Variants in XRN2 observed in about 807,000 individuals in gnomAD.
XRN2 encodes 5'-3' exoribonuclease 2, also known as DHM1-like protein.
XRN2 carries 44 observed loss-of-function variants against 138.5 expected under a neutral mutation model. That is an observed-to-expected ratio of 0.32 (90% CI 0.25 to 0.41). The LOEUF is 0.41. XRN2 is among the 10% of genes least tolerant of loss of function. The pLI, the probability that XRN2 is intolerant of heterozygous loss-of-function variation, is 1.00. For synonymous variants in XRN2, 354 were observed against 369.4 expected (o/e 0.96, Z 0.48); for missense variants, 937 against 1,169.3 (o/e 0.80, Z 2.90).
At chr20:21,345,792 G>A (rs1372711879) in intron 16 of XRN2, among the ~76,000 whole-genome samples, 1 of 152,104 alleles carries the variant, frequency 6.6e-6, no homozygotes, top group African/African-American at 2.4e-5. Flanking sequence ...GATATAGAAT[G>A]TGTATGTCTC....
intron 28 of XRN2, among the ~76,000 whole-genome samples, chr20:21,385,590 G>T (rs1262478305): frequency 6.6e-6 from 1 of 152,132 alleles, no homozygotes; most frequent in African/African-American, 2.4e-5. Context: ...AAAAACTTTA[G>T]CCTTTCTAGA....
intron 1 of XRN2, among the ~76,000 whole-genome samples, chr20:21,313,682 T>C (rs1393787694): frequency 6.6e-6 from 1 of 152,252 alleles, no homozygotes; most frequent in Non-Finnish European, 1.5e-5. Flanking sequence ...AGTCTAACTC[T>C]TGGTAATACT....
chr20:21,331,704 T>G, intron 7 of XRN2, 64 bp from the exon 8 acceptor site: 1 of 1,590,478 alleles, frequency 6.3e-7, no homozygotes, highest in Non-Finnish European at 8.6e-7. Context: ...AAATACTTGG[T>G]ATGAAGTGAT....
chr20:21,303,795 C>G (rs2037774493), intron 1 of XRN2: 2 of 1,106,372 alleles, frequency 1.8e-6, no homozygotes, highest in South Asian at 3.7e-5. Context: ...CCAGACCGCG[C>G]ATTTTGGGTC....
At chr20:21,323,345 A>G (rs2038074773) in intron 1 of XRN2, among the ~76,000 whole-genome samples, 1 of 152,186 alleles carries the variant, frequency 6.6e-6, no homozygotes, top group Non-Finnish European at 1.5e-5. Flanking sequence ...GAAAGGGAAG[A>G]CTGCAGTGTG....
At chr20:21,317,287 A>G (rs2037972607) in intron 1 of XRN2, among the ~76,000 whole-genome samples, 1 of 125,602 alleles carries the variant, frequency 8.0e-6, no homozygotes, top group Non-Finnish European at 1.7e-5. Flanking sequence ...TTTCCCTTCT[A>G]TTTCTAGATG....
At chr20:21,363,748 TA>T (rs2038663428) in intron 24 of XRN2, among the ~76,000 whole-genome samples, 1 of 152,176 alleles carries the variant, frequency 6.6e-6, no homozygotes, top group African/African-American at 2.4e-5. Context: ...ACCAGGTCAA[TA>T]AAACTTTTTT....
intron 27 of XRN2, among the ~76,000 whole-genome samples, chr20:21,374,492 CTTCTA>C (rs2038797019): frequency 6.6e-6 from 1 of 151,818 alleles, no homozygotes; most frequent in Non-Finnish European, 1.5e-5. Context: ...TGAGGAAGTT[CTTCTA>C]TTCTTTGTTT....
At chr20:21,351,514 G>A (rs995347915) in intron 20 of XRN2, among the ~76,000 whole-genome samples, 6 of 152,046 alleles carry the variant, frequency 3.9e-5, no homozygotes, top group Non-Finnish European at 8.8e-5. Flanking sequence ...TATATGATTT[G>A]CATGTATTTT....
Position 21,342,346 on chromosome 20 carries a change from C to T in XRN2, c.1410+1494C>T, listed in dbSNP as rs2038382654. Among the ~76,000 whole-genome samples, 3 of 151,814 alleles carry T rather than the reference C, an allele frequency of 2.0e-5. No individual in the cohort carries two copies. In the South Asian group the frequency reaches 6.2e-4, roughly 32 times the overall value. On this transcript the variant is annotated intron_variant, in intron 15 of 29. Coordinates refer to ENST00000377191, the MANE Select transcript of XRN2 (RefSeq NM_012255.5). ...GTTCTTCAGTGTGGTTTCATTATAT[C>T]TAATTTGATGAAAAAAACAGCTTAA...
rs62217928 is a variant in XRN2 at position 21,333,538 on chromosome 20, T to C, written c.859-6T>C. The C allele has an allele frequency of 6.2e-7, 1 of 1,612,044 alleles. No homozygotes were observed. The highest frequency in any genetic ancestry group is 1.3e-5 in the African/African-American group (1 of 75,036). ...ACTTGTTTCATCTTCATTCCTGTTCTTGCAGCATGATGAACTTGCCGATAG... is the reference window on the plus strand; with the variant it reads ...ACTTGTTTCATCTTCATTCCTGTTCCTGCAGCATGATGAACTTGCCGATAG... On this transcript the variant is annotated splice_polypyrimidine_tract_variant and splice_region_variant and intron_variant, in intron 9 of 29. Transcript: ENST00000377191.
At chr20:21,362,884 T>C (rs2038653176) in intron 24 of XRN2, among the ~76,000 whole-genome samples, 2 of 152,228 alleles carry the variant, frequency 1.3e-5, no homozygotes, top group Admixed American at 6.5e-5. Context: ...GAATTGAGAA[T>C]GTACTCACTC....
chr20:21,358,968 T>A (rs562167297), intron 24 of XRN2, among the ~76,000 whole-genome samples: 17 of 152,336 alleles, frequency 1.1e-4, no homozygotes, highest in Non-Finnish European at 1.5e-4. Flanking sequence ...GCCAATTAAT[T>A]CCACGGTTCT....
At chr20:21,348,596 A>G (rs750696616) in intron 19 of XRN2, among the ~76,000 whole-genome samples, 166 bp downstream of exon 19, 3 of 152,192 alleles carry the variant, frequency 2.0e-5, no homozygotes, top group African/African-American at 7.2e-5. Flanking sequence ...GGCCCTGCAC[A>G]GTAAATCAGT....
intron 1 of XRN2, among the ~76,000 whole-genome samples, 167 bp from the exon 2 acceptor site, chr20:21,326,112 T>C (rs2038125335): frequency 6.6e-6 from 1 of 152,246 alleles, no homozygotes; most frequent in Non-Finnish European, 1.5e-5. Context: ...AGATAAAATA[T>C]CTGCTTCAGT....
intron 20 of XRN2, among the ~76,000 whole-genome samples, chr20:21,353,467 A>G (rs2038537880): frequency 6.6e-6 from 1 of 151,238 alleles, no homozygotes; most frequent in African/African-American, 2.4e-5. Flanking sequence ...CAAAATTCAT[A>G]CTAGAACTTA....
At position 21,386,328 on chromosome 20, in the gene XRN2, C is replaced by T. The variant is rs548823309; in HGVS notation, c.2649-540C>T. Among the ~76,000 whole-genome samples, 31 of 152,304 alleles carry T rather than the reference C, an allele frequency of 2.0e-4. No homozygotes were observed. The South Asian group carries it at 6.2e-3, about 31-fold the overall frequency. ...TCAATAGAACTTGAAAAGGTTTCCTCCCAATCAGACCTTCTGACATATTGA... is the reference window on the plus strand; with the variant it reads ...TCAATAGAACTTGAAAAGGTTTCCTTCCAATCAGACCTTCTGACATATTGA... On this transcript the variant is annotated intron_variant, in intron 28 of 29. Transcript: ENST00000377191.
intron 1 of XRN2, among the ~76,000 whole-genome samples, chr20:21,326,074 CTT>C (rs1440473911): frequency 1.3e-5 from 2 of 152,162 alleles, no homozygotes; most frequent in Non-Finnish European, 2.9e-5. Context: ...TCAAAAATAA[CTT>C]GTGTTAGAAG....
At chr20:21,313,101 G>A (rs576377542) in intron 1 of XRN2, among the ~76,000 whole-genome samples, 6 of 152,322 alleles carry the variant, frequency 3.9e-5, no homozygotes, top group Admixed American at 6.5e-5. Flanking sequence ...TGCGATTGGC[G>A]GAGACTCTGC....
Sources: gnomAD v4.1 joint callset for allele counts (sites outside exome capture counted in the v4.1 genomes callset) on GRCh38, gnomAD v4.1.1 for gene constraint, MANE v1.5 for transcripts, NCBI Gene and HGNC (gene_info 2026-07-23, HGNC 2026-07-21) for gene names.